GRIP2: variants seen among roughly 807,000 people sequenced by gnomAD.
GRIP2 encodes the protein glutamate receptor interacting protein 2.
A neutral mutation model predicts 108.3 loss-of-function variants in GRIP2; 58 were observed. The observed-to-expected ratio is 0.54, with a 90% CI of 0.43 to 0.67. GRIP2 has a LOEUF of 0.67. Ranked by LOEUF, GRIP2 falls within the 30% of genes least tolerant of loss-of-function variation. GRIP2 has a pLI of 0.00. For synonymous variants in GRIP2, 586 were observed against 598.2 expected, an observed-to-expected ratio of 0.98 and a Z score of 0.30; for missense variants, 1,278 against 1,430.6, an observed-to-expected ratio of 0.89 and a Z score of 1.72.
the GRIP2 span, among the ~76,000 whole-genome samples, chr3:14,586,851 T>C: frequency 6.6e-6 from 1 of 152,180 alleles, no homozygotes; most frequent in South Asian, 2.1e-4. Context: ...CCATGATGCA[T>C]TCTGCCACTC....
Position 14,505,512 on chromosome 3 carries a change from G to T in GRIP2, c.2573+103C>A. The T allele has an allele frequency of 1.5e-6, 2 of 1,328,538 alleles. No individual in the cohort carries two copies. The highest frequency in any genetic ancestry group is 1.4e-5 in the African/African-American group (1 of 69,042). The allele number at this position is 1,328,538 out of a possible 1,614,324, so 82.3% of individuals were successfully genotyped here. A position where few individuals can be genotyped will look rare whatever the true frequency, so the allele number is the denominator to read the frequency against. ...AGGAGGCACCCCTCCTCAGGAGCCC[G>T]CCAAGACTCTCCATTCCCCCACCAC... On this transcript the variant is annotated intron_variant, in intron 20 of 23. Coordinates refer to ENST00000621039, the MANE Select transcript of GRIP2 (RefSeq NM_001080423.4). This position sits in a 1 kb window ranked among gnomAD's most constrained non-coding sequence, Gnocchi z 4.2.
chr3:14,523,777 G>A (rs1250509174), intron 4 of GRIP2, 79 bp from the exon 5 acceptor site: 1 of 936,922 alleles, frequency 1.1e-6, no homozygotes, highest in Non-Finnish European at 1.7e-6. Flanking sequence ...CTCATTCCAG[G>A]AGGACTGGGT....
upstream of GRIP2, among the ~76,000 whole-genome samples, chr3:14,557,552 T>C (rs1695257801): frequency 6.6e-6 from 1 of 152,222 alleles, no homozygotes; most frequent in African/African-American, 2.4e-5. Context: ...TGAGGGATTC[T>C]GTCTTCATCC....
chr3:14,579,676 C>T, the GRIP2 span, among the ~76,000 whole-genome samples: 2 of 130,768 alleles, frequency 1.5e-5, 1 homozygote, highest in South Asian at 5.9e-4. Flanking sequence ...TTCAGTCTCC[C>T]GCCTTCACAA....
Position 14,491,629 on chromosome 3 carries a change from G to A in GRIP2, c.*2036C>T, listed in dbSNP as rs968707520. 2.0e-5 allele frequency: 3 copies of A among 152,494 alleles called. No individual in the cohort carries two copies. The highest frequency in any genetic ancestry group is 4.8e-5 in the African/African-American group (2 of 41,568). 9.4% of individuals were successfully genotyped at this position (152,494 alleles called of 1,614,324 possible). ...AGAGGCCTCAGCCCGAGGAGGGAGGGGGGTATTAGTTAGAGTCGGGTGCAT... is the reference window on the plus strand; with the variant it reads ...AGAGGCCTCAGCCCGAGGAGGGAGGAGGGTATTAGTTAGAGTCGGGTGCAT... On this transcript the variant is annotated 3_prime_UTR_variant, in exon 24 of 24. Coordinates refer to ENST00000621039, the MANE Select transcript of GRIP2 (RefSeq NM_001080423.4).
At chr3:14,565,949 T>C in the GRIP2 span, among the ~76,000 whole-genome samples, 2 of 152,208 alleles carry the variant, frequency 1.3e-5, no homozygotes, top group African/African-American at 4.8e-5. Context: ...AGTTCACTCA[T>C]AGCTTGCTAG....
chr3:14,588,657 G>C, the GRIP2 span, among the ~76,000 whole-genome samples: 1 of 152,114 alleles, frequency 6.6e-6, no homozygotes, highest in African/African-American at 2.4e-5. Context: ...GCTCAGTTCC[G>C]TCAGCACAGA....
intron 11 of GRIP2, 99 bp downstream of exon 11, chr3:14,516,965 G>A (rs758598636): frequency 8.2e-7 from 1 of 1,219,358 alleles, no homozygotes; most frequent in Non-Finnish European, 1.1e-6. Flanking sequence ...CTGGAGCTCT[G>A]CCCAAAATAC....
rs371871359 is a variant in GRIP2 at position 14,511,265 on chromosome 3, A to T, written c.1833T>A (p.Asn611Lys). The T allele has an allele frequency of 6.2e-7, 1 of 1,613,770 alleles. No individual in the cohort carries two copies. Among genetic ancestry groups the T allele is most frequent in the Non-Finnish European group, 8.5e-7 (1 of 1,179,874 alleles). The change falls in exon 16 of 24, where the codon AAT (asparagine) becomes AAA (lysine). Residue 611 changes from asparagine to lysine, a missense_variant. By Grantham distance (94) the Asn-to-Lys change is moderately conservative. Transcript: ENST00000621039. The surrounding 1 kb of genome is among the most constrained non-coding windows in gnomAD (Gnocchi z 4.1). ...EPGDKLLAID[N>K]IRLDNCPMED... ...CCATGGGGCAGTTGTCCAGGCGGAT[A>T]TTGTCAATGGCCAGTAGCTTGTCGC...
At chr3:14,533,257 G>C (rs987185764) in intron 1 of GRIP2, among the ~76,000 whole-genome samples, 2 of 152,218 alleles carry the variant, frequency 1.3e-5, no homozygotes, top group Non-Finnish European at 2.9e-5. Flanking sequence ...GACAGTGAAC[G>C]TCTCTGGTAT....
At chr3:14,577,036 T>C in the GRIP2 span, among the ~76,000 whole-genome samples, 1 of 152,270 alleles carries the variant, frequency 6.6e-6, no homozygotes, top group African/African-American at 2.4e-5. Context: ...ACACCAGTTG[T>C]AGACAACTTC....
the GRIP2 span, among the ~76,000 whole-genome samples, chr3:14,592,329 G>C: frequency 6.6e-6 from 1 of 152,232 alleles, no homozygotes; most frequent in East Asian, 1.9e-4. Flanking sequence ...TTCCACCCTG[G>C]GAGGTGCCAT....
At chr3:14,543,950 G>A (rs1260269315), upstream of GRIP2, among the ~76,000 whole-genome samples, 1 of 152,224 alleles carries the variant, frequency 6.6e-6, no homozygotes, top group South Asian at 2.1e-4. Context: ...CTACCCTCTA[G>A]GGTTGGGAAG....
At chr3:14,553,670 A>G (rs1387297687) in intron 1 of GRIP2, among the ~76,000 whole-genome samples, 1 of 152,246 alleles carries the variant, frequency 6.6e-6, no homozygotes, top group Non-Finnish European at 1.5e-5. Flanking sequence ...AAAGATGAGC[A>G]ACAGGACAGC....
At position 14,510,078 on chromosome 3, in the gene GRIP2, T is replaced by A. The variant is rs536637323; in HGVS notation, c.1934-114A>T. On this transcript the variant is annotated intron_variant, in intron 16 of 23. Coordinates refer to ENST00000621039, the MANE Select transcript of GRIP2 (RefSeq NM_001080423.4). ...TTTATTAATTCATTCACCCAGTCAC[T>A]CACGCTCTGATTTCATGTAGCACAA... 5 of 996,744 alleles carry A rather than the reference T, an allele frequency of 5.0e-6. No homozygotes were observed. The African/African-American group carries it at 6.7e-5, about 13-fold the overall frequency. The allele number at this position is 996,744 out of a possible 1,614,324, so 61.7% of individuals were successfully genotyped here. A position where few individuals can be genotyped will look rare whatever the true frequency, so the allele number is the denominator to read the frequency against.
At chr3:14,572,771 G>T in the GRIP2 span, 1 of 594,238 alleles carries the variant, frequency 1.7e-6, no homozygotes, top group Non-Finnish European at 3.0e-6. Context: ...GTGACTCCTG[G>T]TAAGCCTGTG....
At chr3:14,504,271 G>A (rs557354492) in intron 20 of GRIP2, among the ~76,000 whole-genome samples, 2 of 151,842 alleles carry the variant, frequency 1.3e-5, no homozygotes, top group East Asian at 3.9e-4. Context: ...AGGCCTCAAC[G>A]GTTACAAGGC....
the GRIP2 span, among the ~76,000 whole-genome samples, chr3:14,563,015 A>G: frequency 1.3e-5 from 2 of 151,228 alleles, no homozygotes; most frequent in African/African-American, 4.9e-5. Context: ...GAGTGGGGGA[A>G]AAAAAAAAGG....
the GRIP2 span, among the ~76,000 whole-genome samples, chr3:14,580,329 C>T: frequency 2.0e-5 from 3 of 152,244 alleles, no homozygotes; most frequent in Non-Finnish European, 4.4e-5. Context: ...AAGGGGACCA[C>T]ACATCTTTAA....
Sources: allele counts gnomAD v4.1 joint callset (sites outside exome capture counted in the v4.1 genomes callset), GRCh38; gene constraint gnomAD v4.1.1; non-coding constraint Gnocchi (gnomAD v3.1); transcripts MANE v1.5; gene names NCBI Gene and HGNC (gene_info 2026-07-23, HGNC 2026-07-21).